Variants in SKIC3 observed in about 807,000 individuals in gnomAD.
SKIC3 encodes SKI3 subunit of superkiller complex.
chr5:95,502,749 A>C, the SKIC3 span: 1 of 1,093,254 alleles, frequency 9.1e-7, no homozygotes, highest in Non-Finnish European at 1.4e-6. Flanking sequence ...ATCAATTCAG[A>C]ACCAGGTGGG....
chr5:95,527,330 G>A, the SKIC3 span, among the ~76,000 whole-genome samples: 1 of 152,026 alleles, frequency 6.6e-6, no homozygotes, highest in African/African-American at 2.4e-5. Context: ...TTGGTGGGAT[G>A]GCAAAAAGAA....
chr5:95,481,822 T>C, the SKIC3 span, among the ~76,000 whole-genome samples: 2 of 152,096 alleles, frequency 1.3e-5, no homozygotes, highest in Non-Finnish European at 2.9e-5. Context: ...TAATAAAAGA[T>C]CAGAATAAAA....
At chr5:95,523,543 C>T in the SKIC3 span, 2 of 1,322,390 alleles carry the variant, frequency 1.5e-6, no homozygotes, top group Admixed American at 2.4e-5. Flanking sequence ...ATTTATATTG[C>T]ACCTATAGAA....
At chr5:95,509,590 T>G in the SKIC3 span, 2 of 1,600,656 alleles carry the variant, frequency 1.2e-6, no homozygotes, top group Non-Finnish European at 1.7e-6. Context: ...TAAATGTAGT[T>G]TACCTTTGGT....
the SKIC3 span, chr5:95,503,752 T>C: frequency 3.2e-5 from 52 of 1,605,224 alleles, no homozygotes; most frequent in Non-Finnish European, 4.1e-5. Context: ...TTTCTGTATG[T>C]GTGCTCATCA....
At chr5:95,505,818 A>C in the SKIC3 span, among the ~76,000 whole-genome samples, 2 of 151,016 alleles carry the variant, frequency 1.3e-5, no homozygotes, top group Non-Finnish European at 1.5e-5. Flanking sequence ...GTCCCCCCAA[A>C]AAAAAAAAAA....
chr5:95,494,752 T>TC, the SKIC3 span: 5 of 1,613,760 alleles, frequency 3.1e-6, no homozygotes, highest in Middle Eastern at 6.6e-4. Context: ...CTGAACTGCT[T>TC]CCCATAGCCA....
the SKIC3 span, among the ~76,000 whole-genome samples, chr5:95,535,291 G>A: frequency 2.0e-5 from 3 of 150,936 alleles, no homozygotes; most frequent in African/African-American, 7.3e-5. Context: ...CAAAACCAGA[G>A]CTGAAGGTAA....
chr5:95,469,894 T>A, the SKIC3 span: 1 of 1,614,108 alleles, frequency 6.2e-7, no homozygotes, highest in African/African-American at 1.3e-5. Context: ...TGGCCAGTGA[T>A]CATTGGAAAT....
At chr5:95,535,358 C>T in the SKIC3 span, among the ~76,000 whole-genome samples, 8 of 144,452 alleles carry the variant, frequency 5.5e-5, no homozygotes, top group Non-Finnish European at 1.1e-4. Flanking sequence ...TCGCCCAGGC[C>T]GGAGTGCAGT....
the SKIC3 span, chr5:95,506,858 C>T: frequency 1.4e-6 from 2 of 1,392,610 alleles, no homozygotes; most frequent in Non-Finnish European, 1.0e-6. Flanking sequence ...AACTAGTCAG[C>T]ATATCAGCAG....
chr5:95,536,778 A>T, the SKIC3 span: 698 of 1,502,218 alleles, frequency 4.6e-4, 1 homozygote, highest in Non-Finnish European at 6.1e-4. Context: ...ACATAATCAC[A>T]CACCTCTAGG....
At chr5:95,528,838 C>T in the SKIC3 span, 1 of 656,294 alleles carries the variant, frequency 1.5e-6, no homozygotes, top group Non-Finnish European at 2.7e-6. Context: ...CACTAGTACA[C>T]ATGCATGCAG....
the SKIC3 span, among the ~76,000 whole-genome samples, chr5:95,485,898 G>A: frequency 2.0e-5 from 3 of 152,136 alleles, no homozygotes; most frequent in Non-Finnish European, 2.9e-5. Flanking sequence ...AGGAAGGAGA[G>A]GGGAGTGAGG....
chr5:95,540,756 T>C, the SKIC3 span: 19 of 1,614,038 alleles, frequency 1.2e-5, no homozygotes, highest in Non-Finnish European at 1.6e-5. Flanking sequence ...ATTTTCTCCA[T>C]AGTTGATGAA....
chr5:95,543,882 T>G, the SKIC3 span, among the ~76,000 whole-genome samples: 11 of 152,342 alleles, frequency 7.2e-5, no homozygotes, highest in Non-Finnish European at 1.5e-4. Context: ...AAAAATTATA[T>G]GTAGAGATAA....
chr5:95,520,903 T>C, the SKIC3 span: 2 of 995,140 alleles, frequency 2.0e-6, no homozygotes, highest in Non-Finnish European at 3.1e-6. Flanking sequence ...ATTGGTGTTA[T>C]TTTAAAGCAC....
the SKIC3 span, among the ~76,000 whole-genome samples, chr5:95,490,250 A>T: frequency 1.3e-5 from 2 of 151,894 alleles, no homozygotes; most frequent in African/African-American, 4.8e-5. Context: ...CTTTATCCTA[A>T]AATGCTGGTA....
At chr5:95,488,145 A>C in the SKIC3 span, among the ~76,000 whole-genome samples, 1 of 152,166 alleles carries the variant, frequency 6.6e-6, no homozygotes, top group Non-Finnish European at 1.5e-5. Flanking sequence ...AAAAATGTAA[A>C]AGAATAAGCA....
Sources: allele counts gnomAD v4.1 joint callset (sites outside exome capture counted in the v4.1 genomes callset), GRCh38; gene constraint gnomAD v4.1.1; transcripts MANE v1.5; gene names NCBI Gene and HGNC (gene_info 2026-07-23, HGNC 2026-07-21).